The following PPFIA2 variants were observed in gnomAD, a reference collection of about 807,000 sequenced individuals.
PPFIA2 encodes the protein PPFI scaffold protein A2.
Under a neutral mutation model 175.5 loss-of-function variants are expected in PPFIA2, and 46 were observed. That is an observed-to-expected ratio of 0.26 (90% confidence interval 0.21 to 0.34). The LOEUF is 0.34. Ranked by LOEUF, PPFIA2 falls within the 10% of genes least tolerant of loss-of-function variation. The pLI, the probability that PPFIA2 is intolerant of heterozygous loss-of-function variation, is 1.00. For missense variants in PPFIA2, 1,179 were observed against 1,506.1 expected (o/e 0.78, Z 3.60); for synonymous variants, 568 against 511.4 (o/e 1.11, Z -1.49).
intron 26 of PPFIA2, among the ~76,000 whole-genome samples, chr12:81,282,229 A>T (rs995274732): frequency 1.3e-5 from 2 of 152,176 alleles, no homozygotes; most frequent in African/African-American, 4.8e-5. Context: ...ATTCCCATTT[A>T]GTTCCTTATC....
intron 4 of PPFIA2, among the ~76,000 whole-genome samples, chr12:81,631,267 T>C (rs748369398): frequency 6.6e-6 from 1 of 152,126 alleles, no homozygotes; most frequent in Non-Finnish European, 1.5e-5. Flanking sequence ...AGCAATGTTA[T>C]CCTAACAGAA....
intron 4 of PPFIA2, among the ~76,000 whole-genome samples, chr12:81,540,635 T>C (rs1270947241): frequency 1.3e-5 from 2 of 152,072 alleles, no homozygotes; most frequent in African/African-American, 2.4e-5. Flanking sequence ...CAAGGGAAGA[T>C]TGCATATATA....
At chr12:81,447,021 G>A (rs1022779370) in intron 5 of PPFIA2, among the ~76,000 whole-genome samples, 8 of 151,896 alleles carry the variant, frequency 5.3e-5, no homozygotes, top group African/African-American at 9.7e-5. Flanking sequence ...ACTAATCGCC[G>A]GGCACAGTGG....
intron 3 of PPFIA2, among the ~76,000 whole-genome samples, chr12:81,700,931 T>C (rs2076409131): frequency 6.6e-6 from 1 of 152,104 alleles, no homozygotes; most frequent in Non-Finnish European, 1.5e-5. Flanking sequence ...AAAATTATTT[T>C]TAATGTCACT....
At chr12:81,410,709 C>A (rs908389802) in intron 7 of PPFIA2, among the ~76,000 whole-genome samples, 2 of 151,888 alleles carry the variant, frequency 1.3e-5, no homozygotes, top group Non-Finnish European at 1.5e-5. Context: ...AATGAAGGAA[C>A]CAAGAGCCCA....
chr12:81,699,052 C>T (rs1020233367), intron 3 of PPFIA2, among the ~76,000 whole-genome samples: 2 of 152,044 alleles, frequency 1.3e-5, no homozygotes, highest in Admixed American at 6.6e-5. Context: ...AAGTAATATG[C>T]AGAATTAGGC....
chr12:81,606,841 C>T lies in PPFIA2; in HGVS notation c.303+69950G>A, dbSNP rs575749724. 4.6e-5 allele frequency among the ~76,000 whole-genome samples: 7 copies of T among 152,036 alleles called. No individual in the cohort carries two copies. The South Asian group carries it at 1.5e-3, about 32-fold the overall frequency. Reference sequence around the variant, plus strand: ...ATTAGGTACCATTTGTCCATTTTTGCTTTTGTTGTAGTTGCTTTTGGGGAC... The same window carrying T: ...ATTAGGTACCATTTGTCCATTTTTGTTTTTGTTGTAGTTGCTTTTGGGGAC... On this transcript the variant is annotated intron_variant, in intron 4 of 32. Coordinates refer to ENST00000549396, the MANE Select transcript of PPFIA2 (RefSeq NM_003625.5).
chr12:81,746,764 C>T (rs182269711), intron 3 of PPFIA2, among the ~76,000 whole-genome samples: 1 of 142,668 alleles, frequency 7.0e-6, no homozygotes, highest in African/African-American at 2.5e-5. Flanking sequence ...TATTCATATA[C>T]CAGAAGGGCA....
At chr12:81,595,697 A>G (rs1567505152) in intron 4 of PPFIA2, among the ~76,000 whole-genome samples, 1 of 152,162 alleles carries the variant, frequency 6.6e-6, no homozygotes, top group Admixed American at 6.5e-5. Context: ...TGTACTAAGA[A>G]TATCCTTCAA....
At chr12:81,516,183 C>A (rs1380765172) in intron 4 of PPFIA2, among the ~76,000 whole-genome samples, 1 of 151,932 alleles carries the variant, frequency 6.6e-6, no homozygotes, top group African/African-American at 2.4e-5. Context: ...TGTCTTTATG[C>A]TTGTTTAAAG....
Position 81,335,890 on chromosome 12 carries a change from T to C in PPFIA2, c.2548+3290A>G, listed in dbSNP as rs538640283. Among the ~76,000 whole-genome samples, 4 of 152,314 alleles carry C rather than the reference T, an allele frequency of 2.6e-5. No homozygotes were observed. The South Asian group carries it at 8.3e-4, about 32-fold the overall frequency. The stretch of plus-strand genomic sequence containing the variant: ...AGGTGGGTTTCCCTAAATTCAATTG[T>C]GGCCTTCAGGTAAACTTGGCTTAAA... On this transcript the variant is annotated intron_variant, in intron 21 of 32. Coordinates refer to ENST00000549396, the MANE Select transcript of PPFIA2 (RefSeq NM_003625.5).
At chr12:81,381,894 C>A (rs774107981) in intron 9 of PPFIA2, among the ~76,000 whole-genome samples, 14 of 151,866 alleles carry the variant, frequency 9.2e-5, no homozygotes, top group Non-Finnish European at 1.6e-4. Context: ...AATATCTATT[C>A]TTTCAGCAAA....
intron 3 of PPFIA2, among the ~76,000 whole-genome samples, chr12:81,692,126 A>ACACAC (rs1426524716): frequency 6.6e-6 from 1 of 151,670 alleles, no homozygotes; most frequent in Non-Finnish European, 1.5e-5. Context: ...ACACACACAC[A>ACACAC]CACACACAAA....
chr12:81,392,242 G>A (rs995975935), intron 8 of PPFIA2, among the ~76,000 whole-genome samples: 1 of 151,870 alleles, frequency 6.6e-6, no homozygotes, highest in African/African-American at 2.4e-5. Flanking sequence ...TGCAAGATTT[G>A]TAGTCTTCGA....
intron 7 of PPFIA2, among the ~76,000 whole-genome samples, chr12:81,436,136 C>T (rs1250946017): frequency 6.6e-6 from 1 of 150,952 alleles, no homozygotes; most frequent in Non-Finnish European, 1.5e-5. Context: ...AAAAAATTGG[C>T]TGGGCATGGT....
chr12:81,573,959 G>T (rs994644668), intron 4 of PPFIA2, among the ~76,000 whole-genome samples: 1 of 151,814 alleles, frequency 6.6e-6, no homozygotes, highest in African/African-American at 2.4e-5. Flanking sequence ...CTCAAAGTTG[G>T]ATTTGAATCA....
intron 4 of PPFIA2, among the ~76,000 whole-genome samples, chr12:81,566,449 G>A (rs911771956): frequency 7.3e-5 from 11 of 150,112 alleles, no homozygotes; most frequent in Admixed American, 3.3e-4. Flanking sequence ...ACTTGAAGCC[G>A]GGAGGCGGAG....
rs184738427 is a variant in PPFIA2, at chr12:81,523,487, C to A, written c.304-65621G>T. 2.0e-5 allele frequency among the ~76,000 whole-genome samples: 3 copies of A among 152,278 alleles called. No homozygotes were observed. In the East Asian group the frequency reaches 5.8e-4, roughly 29 times the overall value. ...TCTGCTAGTCATATTCAAGGACATG[C>A]ATGCACCTCACTTAGCACATTTTTG... On this transcript the variant is annotated intron_variant, in intron 4 of 32. Transcript: ENST00000549396.
chr12:81,527,751 T>G (rs1319108785), intron 4 of PPFIA2, among the ~76,000 whole-genome samples: 2 of 152,106 alleles, frequency 1.3e-5, no homozygotes, highest in African/African-American at 4.8e-5. Context: ...AGGTGGAGTC[T>G]TTGGAAGGTA....
Sources: allele counts gnomAD v4.1 joint callset (sites outside exome capture counted in the v4.1 genomes callset), GRCh38; gene constraint gnomAD v4.1.1; transcripts MANE v1.5; gene names NCBI Gene and HGNC (gene_info 2026-07-23, HGNC 2026-07-21).